Variants in FRK observed in about 807,000 individuals in gnomAD.
FRK encodes tyrosine-protein kinase FRK.
FRK carries 51 observed loss-of-function variants against 56.4 expected under a neutral mutation model. The observed-to-expected ratio is 0.90, with a 90% CI of 0.72 to 1.14. FRK has a LOEUF of 1.14. FRK is among the 50% of genes most tolerant of loss of function. The pLI, the probability that FRK is intolerant of heterozygous loss-of-function variation, is 0.00. For synonymous variants in FRK, 245 were observed against 217.9 expected, an observed-to-expected ratio of 1.12 and a Z score of -1.10; for missense variants, 570 against 601.4, an observed-to-expected ratio of 0.95 and a Z score of 0.55.
chr6:116,062,310 A>G (rs1777654483), upstream of FRK, among the ~76,000 whole-genome samples: 1 of 152,150 alleles, frequency 6.6e-6, no homozygotes, highest in Admixed American at 6.5e-5. Flanking sequence ...TTCATATTAT[A>G]TACAAAACAG....
At chr6:115,983,070 T>C (rs1774265081) in intron 2 of FRK, among the ~76,000 whole-genome samples, 1 of 99,390 alleles carries the variant, frequency 1.0e-5, no homozygotes, top group Non-Finnish European at 2.3e-5. Flanking sequence ...AGACTCTATC[T>C]CAAAAAAAAA....
At chr6:116,041,316 C>T (rs1582747139) in intron 1 of FRK, among the ~76,000 whole-genome samples, 1 of 152,146 alleles carries the variant, frequency 6.6e-6, no homozygotes, top group Non-Finnish European at 1.5e-5. Flanking sequence ...CAGAGGAATA[C>T]TCTATAACCA....
chr6:115,953,776 C>A (rs1488709784), intron 5 of FRK, among the ~76,000 whole-genome samples: 1 of 152,168 alleles, frequency 6.6e-6, no homozygotes, highest in East Asian at 1.9e-4. Context: ...GACTCCAAGT[C>A]CCAATCTTGT....
chr6:116,079,261 G>A, the FRK span, among the ~76,000 whole-genome samples: 1 of 151,932 alleles, frequency 6.6e-6, no homozygotes, highest in Non-Finnish European at 1.5e-5. Context: ...TTGCCAATCT[G>A]ATGGATTATA....
At chr6:116,048,853 C>CTAT (rs1562304915) in intron 1 of FRK, among the ~76,000 whole-genome samples, 7 of 152,182 alleles carry the variant, frequency 4.6e-5, no homozygotes, top group African/African-American at 1.7e-4. Context: ...CCTTGCAGAG[C>CTAT]TATTAGAAGG....
intron 2 of FRK, among the ~76,000 whole-genome samples, chr6:115,999,828 C>G (rs1351502562): frequency 6.6e-6 from 1 of 152,076 alleles, no homozygotes; most frequent in Non-Finnish European, 1.5e-5. Context: ...CATTTTTCTC[C>G]TGTATAGCCT....
the FRK span, among the ~76,000 whole-genome samples, chr6:116,089,737 GTTAAC>G: frequency 6.6e-6 from 1 of 152,144 alleles, no homozygotes; most frequent in Non-Finnish European, 1.5e-5. Flanking sequence ...AAAGCCTCAT[GTTAAC>G]TTAATCACCT....
the FRK span, among the ~76,000 whole-genome samples, chr6:116,067,620 T>C: frequency 1.3e-5 from 2 of 152,164 alleles, no homozygotes; most frequent in African/African-American, 4.8e-5. Context: ...TAAAATAATA[T>C]CACTACAAAT....
In FRK at chr6:115,940,720, T is replaced by C. The variant is rs1465244417; in HGVS notation, c.*1694A>G. On this transcript the variant is annotated 3_prime_UTR_variant, in exon 8 of 8. Transcript: ENST00000606080. ...AAGATATTTATGCAGCCAACAGACA[T>C]ATGAAAAAAAGCTCATCATCTGATC... 6.6e-6 allele frequency: 1 copy of C among 152,010 alleles called. No individual in the cohort carries two copies. Among genetic ancestry groups the C allele is most frequent in the African/African-American group, 2.4e-5 (1 of 41,360 alleles). 9.4% of individuals were successfully genotyped at this position (152,010 alleles called of 1,614,324 possible).
At chr6:116,027,759 G>GA (rs1049128206) in intron 1 of FRK, among the ~76,000 whole-genome samples, 2 of 147,046 alleles carry the variant, frequency 1.4e-5, no homozygotes, top group African/African-American at 5.0e-5. Flanking sequence ...GCTTAAAGAA[G>GA]AAAAAATAAT....
At chr6:116,028,306 A>G (rs1001397397) in intron 1 of FRK, among the ~76,000 whole-genome samples, 2 of 152,160 alleles carry the variant, frequency 1.3e-5, no homozygotes, top group Non-Finnish European at 2.9e-5. Flanking sequence ...TTGCATTTTT[A>G]TCTAATAAAA....
At chr6:115,976,351 A>G (rs7759033) in intron 2 of FRK, among the ~76,000 whole-genome samples, 31,370 of 152,122 alleles carry the variant, frequency 0.21, 3,691 homozygotes, top group Middle Eastern at 0.31. Flanking sequence ...TATGAAATTC[A>G]GGATATTCCA....
At chr6:115,958,573 A>G (rs949229952) in intron 4 of FRK, among the ~76,000 whole-genome samples, 2 of 150,822 alleles carry the variant, frequency 1.3e-5, no homozygotes, top group Non-Finnish European at 2.9e-5. Flanking sequence ...GGTTACAGTG[A>G]GCTGAGATCA....
intron 1 of FRK, among the ~76,000 whole-genome samples, chr6:116,022,586 T>C (rs1433791926): frequency 6.6e-6 from 1 of 152,144 alleles, no homozygotes; most frequent in Non-Finnish European, 1.5e-5. Context: ...AAAAATCTTT[T>C]TGAAAAAGTC....
chr6:116,015,120 G>T (rs1775604028), intron 1 of FRK, among the ~76,000 whole-genome samples: 1 of 152,070 alleles, frequency 6.6e-6, no homozygotes, highest in Non-Finnish European at 1.5e-5. Flanking sequence ...TTATTGATAT[G>T]GTTTGGCTCT....
At chr6:115,967,184 C>T (rs1773613618) in intron 4 of FRK, among the ~76,000 whole-genome samples, 1 of 152,140 alleles carries the variant, frequency 6.6e-6, no homozygotes, top group African/African-American at 2.4e-5. Context: ...AATAGTTGTT[C>T]CCTGAATAGT....
intron 1 of FRK, among the ~76,000 whole-genome samples, chr6:116,055,538 TG>T (rs1777359279): frequency 6.6e-6 from 1 of 152,236 alleles, no homozygotes; most frequent in South Asian, 2.1e-4. Flanking sequence ...TAGGTCAGTA[TG>T]GGTGGCTCCT....
At chr6:116,077,884 G>A in the FRK span, among the ~76,000 whole-genome samples, 2 of 152,222 alleles carry the variant, frequency 1.3e-5, no homozygotes, top group African/African-American at 2.4e-5. Flanking sequence ...AATTGGCCAG[G>A]TGCAGTGGCT....
chr6:116,007,177 C>T (rs1359218994), intron 1 of FRK, among the ~76,000 whole-genome samples: 1 of 152,214 alleles, frequency 6.6e-6, no homozygotes, highest in African/African-American at 2.4e-5. Flanking sequence ...GCAACATATT[C>T]ATCTAAATAT....
Sources: allele counts gnomAD v4.1 joint callset (sites outside exome capture counted in the v4.1 genomes callset), GRCh38; gene constraint gnomAD v4.1.1; transcripts MANE v1.5; gene names NCBI Gene and HGNC (gene_info 2026-07-23, HGNC 2026-07-21).